ARHGEF11: variants seen among roughly 807,000 people sequenced by gnomAD.
ARHGEF11 encodes the protein Rho guanine exchange factor (GEF) 11.
Under a neutral mutation model 193.7 loss-of-function variants are expected in ARHGEF11, and 55 were observed. The observed-to-expected ratio is 0.28, with a 90% confidence interval of 0.23 to 0.36. The LOEUF (loss-of-function observed/expected upper bound fraction) is 0.36. Among genes scored for constraint, ARHGEF11 ranks in the 10% least tolerant of loss-of-function variants. The probability of loss-of-function intolerance (pLI) is 1.00; values close to 1 mark genes in which losing one functional copy is unlikely to be tolerated. For missense variants in ARHGEF11, 1,723 were observed against 2,005.6 expected (o/e 0.86, Z 2.69); for synonymous variants, 693 against 768.0 (o/e 0.90, Z 1.62).
chr1:156,957,906 G>A (rs1339624580), intron 17 of ARHGEF11, 91 bp from the exon 18 acceptor site: 2 of 1,286,294 alleles, frequency 1.6e-6, no homozygotes, highest in African/African-American at 2.9e-5. Flanking sequence ...GTTTTTCCTA[G>A]ATGAAAGGAG....
intron 1 of ARHGEF11, among the ~76,000 whole-genome samples, chr1:156,989,815 T>C (rs1665461264): frequency 1.3e-5 from 2 of 152,242 alleles, no homozygotes; most frequent in Admixed American, 1.3e-4. Flanking sequence ...AATATCTACA[T>C]GCCCTTCATT....
intron 7 of ARHGEF11, among the ~76,000 whole-genome samples, chr1:156,974,246 T>G (rs1489596172): frequency 6.6e-6 from 1 of 152,058 alleles, no homozygotes; most frequent in South Asian, 2.1e-4. Flanking sequence ...TTTTAAAACT[T>G]TTTTAGAGAC....
intron 1 of ARHGEF11, among the ~76,000 whole-genome samples, chr1:157,016,168 G>T (rs1669201123): frequency 6.6e-6 from 1 of 152,130 alleles, no homozygotes; most frequent in South Asian, 2.1e-4. Flanking sequence ...CCCATTACAG[G>T]CCTGGCACAT....
intron 1 of ARHGEF11, among the ~76,000 whole-genome samples, chr1:156,988,945 T>G (rs1665325671): frequency 1.3e-5 from 2 of 152,068 alleles, no homozygotes; most frequent in African/African-American, 4.8e-5. Flanking sequence ...GAGCACATAT[T>G]TGGGAGGAAG....
At chr1:156,969,886 G>C in intron 9 of ARHGEF11, 112 bp downstream of exon 9, 1 of 1,028,504 alleles carries the variant, frequency 9.7e-7, no homozygotes, top group Non-Finnish European at 1.5e-6. Context: ...ATTTCTCAGA[G>C]GGCAGGCACT....
At chr1:157,007,958 G>A (rs1222502154) in intron 1 of ARHGEF11, among the ~76,000 whole-genome samples, 1 of 3,358 alleles carries the variant, frequency 3.0e-4, no homozygotes, top group Admixed American at 5.7e-3. Flanking sequence ...CAGCTCCAAT[G>A]TTTACAAACA....
At chr1:157,020,841 T>C (rs1669882278) in intron 1 of ARHGEF11, among the ~76,000 whole-genome samples, 1 of 152,206 alleles carries the variant, frequency 6.6e-6, no homozygotes, top group Admixed American at 6.5e-5. Context: ...ACAATGCTGA[T>C]ATCGATAAAG....
intron 1 of ARHGEF11, among the ~76,000 whole-genome samples, chr1:157,017,607 T>TA (rs1669418466): frequency 6.8e-6 from 1 of 147,292 alleles, no homozygotes; most frequent in Non-Finnish European, 1.5e-5. Flanking sequence ...CTTGGGAGGC[T>TA]CAGGCAGGAG....
intron 1 of ARHGEF11, among the ~76,000 whole-genome samples, chr1:157,035,872 TATATATAGGA>T (rs1460953635): frequency 7.0e-6 from 1 of 143,184 alleles, no homozygotes; most frequent in Non-Finnish European, 1.5e-5. Flanking sequence ...TATATAGGAA[TATATATAGGA>T]ATATATATAG....
intron 1 of ARHGEF11, among the ~76,000 whole-genome samples, chr1:157,007,799 C>CT (rs1298834581): frequency 1.3e-5 from 2 of 152,146 alleles, no homozygotes; most frequent in East Asian, 3.9e-4. Flanking sequence ...ACTTCCTGTT[C>CT]TGTCTCTGTA....
At chr1:157,042,383 G>T (rs1672866138) in intron 1 of ARHGEF11, among the ~76,000 whole-genome samples, 1 of 152,080 alleles carries the variant, frequency 6.6e-6, no homozygotes, top group Admixed American at 6.5e-5. Flanking sequence ...CATTCTACAG[G>T]ACCAGTACAG....
intron 2 of ARHGEF11, among the ~76,000 whole-genome samples, chr1:156,984,963 A>G (rs1259326416): frequency 1.3e-5 from 2 of 151,966 alleles, no homozygotes; most frequent in African/African-American, 4.8e-5. Context: ...GGAAGGACAC[A>G]TGACAAGAAG....
In ARHGEF11 at chr1:156,946,146, G is replaced by T; in HGVS notation, c.2711C>A (p.Pro904His). 6.2e-7 allele frequency: 1 copy of T among 1,613,508 alleles called. No homozygotes were observed. Among genetic ancestry groups the T allele is most frequent in the Non-Finnish European group, 8.5e-7 (1 of 1,179,870 alleles). The change falls in exon 29 of 41, where the codon CCT becomes CAT. Residue 904 changes from proline to histidine, a missense_variant. Physicochemically the swap from Pro to His is moderately conservative, Grantham distance 77 (BLOSUM62 -2). This residue lies in a region of ARHGEF11 where 491 missense variants were observed against 654.5 expected (regional missense o/e 0.75). Transcript: ENST00000368194. ...TCTCAGCTGCAGCCGCCGACACTGA[G>T]GGTGGCTCTCAGCCTCCTAGACAGC... Reference protein sequence around the residue: ...QLFMQEAESHPQCRRLQLRDL... With the variant: ...QLFMQEAESHHQCRRLQLRDL...
In ARHGEF11 at chr1:157,023,912, T is replaced by A. The variant is rs150498792; in HGVS notation, c.32+20387A>T. The stretch of plus-strand genomic sequence containing the variant: ...TAACATGCTAAACACAGAGCTAACA[T>A]ATGATCCAGCAACTCCCCTCCTACA... On this transcript the variant is annotated intron_variant, in intron 1 of 40. Coordinates refer to ENST00000368194, the MANE Select transcript of ARHGEF11 (RefSeq NM_198236.3). Among the ~76,000 whole-genome samples, 925 of 152,252 alleles carry A rather than the reference T, an allele frequency of 6.1e-3. 9 individuals are homozygous for A. The highest frequency in any genetic ancestry group is 0.021 in the African/African-American group (862 of 41,532).
At chr1:156,950,935 G>A (rs1205356275) in intron 22 of ARHGEF11, among the ~76,000 whole-genome samples, 1 of 152,178 alleles carries the variant, frequency 6.6e-6, no homozygotes, top group Non-Finnish European at 1.5e-5. Flanking sequence ...CCAAGAACAA[G>A]TTTTCATACC....
chr1:157,030,515 C>A (rs1039390445), intron 1 of ARHGEF11, among the ~76,000 whole-genome samples: 2 of 152,142 alleles, frequency 1.3e-5, no homozygotes, highest in Admixed American at 1.3e-4. Context: ...GGGGACTTGA[C>A]TCCTGATTTA....
chr1:156,960,495 G>C (rs149042802), intron 14 of ARHGEF11, 35 bp from the exon 15 acceptor site: 12 of 1,610,138 alleles, frequency 7.5e-6, no homozygotes, highest in Non-Finnish European at 8.5e-6. Flanking sequence ...AAGCAGTCAG[G>C]TCTGCACACT....
At position 156,955,822 on chromosome 1, in the gene ARHGEF11, TG is replaced by T. The variant is rs769872631; in HGVS notation, c.1672-24del. On this transcript the variant is annotated intron_variant, in intron 19 of 40. Coordinates refer to ENST00000368194, the MANE Select transcript of ARHGEF11 (RefSeq NM_198236.3). ...GCTCTGCTGAGACAGGAGACACTGGTGTTTGCAGGAGGTCCTGATACCCAGG... is the reference window on the plus strand; with the variant it reads ...GCTCTGCTGAGACAGGAGACACTGGTTTTGCAGGAGGTCCTGATACCCAGG... The T allele has an allele frequency of 3.8e-6, 6 of 1,591,142 alleles. No individual in the cohort carries two copies. In the East Asian group the frequency reaches 1.1e-4, roughly 30 times the overall value.
intron 7 of ARHGEF11, among the ~76,000 whole-genome samples, chr1:156,975,081 ACT>A (rs1663070041): frequency 6.6e-6 from 1 of 152,228 alleles, no homozygotes; most frequent in Non-Finnish European, 1.5e-5. Context: ...GTTCTGAAGT[ACT>A]GTCAAACTGT....
Sources: gnomAD v4.1 joint callset for allele counts (sites outside exome capture counted in the v4.1 genomes callset) on GRCh38, gnomAD v4.1.1 for gene constraint, gnomAD v4.1.1 regional missense constraint, MANE v1.5 for transcripts, NCBI Gene and HGNC (gene_info 2026-07-23, HGNC 2026-07-21) for gene names.